The following SPECC1 variants were observed in gnomAD, a reference collection of about 807,000 sequenced individuals.
SPECC1 encodes sperm antigen with calponin homology and coiled-coil domains 1.
Under a neutral mutation model 104.1 loss-of-function variants are expected in SPECC1, and 62 were observed. The ratio of observed to expected loss-of-function variants is 0.60; its 90% CI spans 0.49 to 0.74. SPECC1 has a LOEUF of 0.74. Among genes scored for constraint, SPECC1 ranks in the 30% least tolerant of loss-of-function variants. The pLI is 0.00. For synonymous variants in SPECC1, 513 were observed against 501.6 expected, an observed-to-expected ratio of 1.02 and a Z score of -0.30; for missense variants, 1,306 against 1,310.5, an observed-to-expected ratio of 1.00 and a Z score of 0.05.
chr17:20,264,199 G>A lies in SPECC1; in HGVS notation c.2940+3905G>A, dbSNP rs113640970. On this transcript the variant is annotated intron_variant, in intron 12 of 14. Coordinates refer to ENST00000395527, the MANE Select transcript of SPECC1 (RefSeq NM_001243439.2). ...TCCTTTTATTTCATCAAAATACAGC[G>A]TGAAAGGTTATGTTACATCCCTCCA... Among the ~76,000 whole-genome samples, 63 of 152,150 alleles carry A rather than the reference G, an allele frequency of 4.1e-4. 2 individuals carry two copies. The highest frequency in any genetic ancestry group is 1.1e-3 in the African/African-American group (46 of 41,514).
At chr17:20,266,789 A>G (rs1371087356) in intron 12 of SPECC1, among the ~76,000 whole-genome samples, 1 of 152,208 alleles carries the variant, frequency 6.6e-6, no homozygotes, top group Non-Finnish European at 1.5e-5. Flanking sequence ...GGTGAATGGT[A>G]CAATTTATAC....
At position 20,245,948 on chromosome 17, in the gene SPECC1, T is replaced by G. The variant is rs184083104; in HGVS notation, c.2374T>G (p.Ser792Ala). Residue 792 changes from serine (S) to alanine (A), a missense_variant, in exon 8 of 15, where the codon TCC (serine) becomes GCC (alanine). Coordinates refer to ENST00000395527, the MANE Select transcript of SPECC1 (RefSeq NM_001243439.2). The part of the protein sequence containing the change: ...APPPVDEEPE[S>A]SEVDAAGRWP... ...CAGACCTGTGGATGAAGAGCCAGAG[T>G]CCTCTGAGGTCGATGCTGCTGGTCG... 2 of 1,614,148 alleles carry G rather than the reference T, an allele frequency of 1.2e-6. No homozygotes were observed. The highest frequency in any genetic ancestry group is 2.7e-5 in the African/African-American group (2 of 75,042).
intron 1 of SPECC1, among the ~76,000 whole-genome samples, chr17:20,019,531 A>T (rs2044288257): frequency 6.6e-6 from 1 of 152,106 alleles, no homozygotes; most frequent in Non-Finnish European, 1.5e-5. Flanking sequence ...CAGAGGGACT[A>T]CTCAACCATT....
chr17:20,163,496 T>C (rs2033354644), intron 3 of SPECC1, among the ~76,000 whole-genome samples: 1 of 152,150 alleles, frequency 6.6e-6, no homozygotes, highest in South Asian at 2.1e-4. Context: ...ATTTAATAAT[T>C]ATTCTAATAA....
intron 1 of SPECC1, among the ~76,000 whole-genome samples, chr17:20,068,881 T>C (rs545837253): frequency 6.6e-6 from 1 of 152,384 alleles, no homozygotes; most frequent in Admixed American, 6.5e-5. Context: ...CAGAGATCTT[T>C]ACACATTCTA....
rs1224615841 is a variant in SPECC1 at position 20,315,173 on chromosome 17, C to T, written c.*1108C>T. The T allele has an allele frequency of 4.3e-6, 1 of 232,976 alleles. No homozygotes were observed. The highest frequency in any genetic ancestry group is 8.5e-6 in the Non-Finnish European group (1 of 117,976). The allele number at this position is 232,976 out of a possible 1,614,324, so 14.4% of individuals were successfully genotyped here. A position where few individuals can be genotyped will look rare whatever the true frequency, so the allele number is the denominator to read the frequency against. The stretch of plus-strand genomic sequence containing the variant: ...TGTGCCTCTGGGGATGCTGGGCTGA[C>T]AGCAAATCCCAACAGTATTTCGGCT... On this transcript the variant is annotated 3_prime_UTR_variant, in exon 15 of 15. Transcript: ENST00000395527.
intron 2 of SPECC1, among the ~76,000 whole-genome samples, 192 bp from the exon 3 acceptor site, chr17:20,110,235 C>G (rs761813961): frequency 6.6e-6 from 1 of 152,182 alleles, no homozygotes; most frequent in African/African-American, 2.4e-5. Flanking sequence ...AGATCATACT[C>G]GGACCTGTTA....
intron 4 of SPECC1, among the ~76,000 whole-genome samples, chr17:20,211,320 G>A (rs2037132866): frequency 6.6e-6 from 1 of 152,234 alleles, no homozygotes; most frequent in Non-Finnish European, 1.5e-5. Context: ...TTCATGCTGG[G>A]AAGGAGGCCT....
intron 1 of SPECC1, among the ~76,000 whole-genome samples, chr17:20,059,574 C>CT (rs2046104670): frequency 6.6e-6 from 1 of 151,732 alleles, no homozygotes; most frequent in African/African-American, 2.4e-5. Flanking sequence ...TTCTTCTACT[C>CT]TATGTAGCAA....
At chr17:20,199,842 T>C (rs1036809056) in intron 3 of SPECC1, among the ~76,000 whole-genome samples, 1 of 152,218 alleles carries the variant, frequency 6.6e-6, no homozygotes, top group Admixed American at 6.5e-5. Context: ...CAGGCTGGCG[T>C]GCAGTGGCGT....
At chr17:20,277,812 C>T (rs938743719) in intron 12 of SPECC1, among the ~76,000 whole-genome samples, 2 of 152,186 alleles carry the variant, frequency 1.3e-5, no homozygotes, top group East Asian at 1.9e-4. Context: ...ACCTTGTAGA[C>T]GTGGACTTAC....
At chr17:20,287,748 CT>C (rs35144997) in intron 12 of SPECC1, among the ~76,000 whole-genome samples, 59 of 146,348 alleles carry the variant, frequency 4.0e-4, no homozygotes, top group Middle Eastern at 3.6e-3. Context: ...GTACACATAG[CT>C]TTTTTTTTTT....
intron 13 of SPECC1, among the ~76,000 whole-genome samples, chr17:20,299,856 C>G (rs2041509991): frequency 6.6e-6 from 1 of 152,058 alleles, no homozygotes; most frequent in Admixed American, 6.6e-5. Context: ...AAATCCGGAG[C>G]TGGATGGGAG....
chr17:20,317,262 T>A lies in SPECC1; in HGVS notation c.*3197T>A. ...AGACCTCTGACTCTATAAAAAAATTTTTTTTTTTTTTTTTTTTTGAGAGAG... is the reference window on the plus strand; with the variant it reads ...AGACCTCTGACTCTATAAAAAAATTATTTTTTTTTTTTTTTTTTGAGAGAG... On this transcript the variant is annotated 3_prime_UTR_variant, in exon 15 of 15. Transcript: ENST00000395527. 7.3e-6 allele frequency: 1 copy of A among 136,242 alleles called. No individual in the cohort carries two copies. Among genetic ancestry groups the A allele is most frequent in the Non-Finnish European group, 1.5e-5 (1 of 67,486 alleles). The allele number at this position is 136,242 out of a possible 1,614,324, so 8.4% of individuals were successfully genotyped here. A position where few individuals can be genotyped will look rare whatever the true frequency, so the allele number is the denominator to read the frequency against.
At chr17:20,170,933 C>T (rs779624984) in intron 3 of SPECC1, among the ~76,000 whole-genome samples, 8 of 152,124 alleles carry the variant, frequency 5.3e-5, no homozygotes, top group Non-Finnish European at 1.0e-4. Context: ...TCATCTCTTT[C>T]TCTAATTGGT....
At chr17:20,140,517 AT>A (rs1333310468) in intron 3 of SPECC1, among the ~76,000 whole-genome samples, 3 of 152,302 alleles carry the variant, frequency 2.0e-5, no homozygotes, top group African/African-American at 7.2e-5. Flanking sequence ...TTGTACTCAT[AT>A]TTCACTAGTT....
At chr17:20,275,151 T>A (rs1012180255) in intron 12 of SPECC1, among the ~76,000 whole-genome samples, 4 of 152,164 alleles carry the variant, frequency 2.6e-5, no homozygotes, top group African/African-American at 9.6e-5. Flanking sequence ...ATTAATAACA[T>A]AAATACATTT....
At position 20,314,796 on chromosome 17, in the gene SPECC1, C is replaced by A. The variant is rs552427899; in HGVS notation, c.*731C>A. 4.5e-6 allele frequency: 1 copy of A among 221,640 alleles called. No individual in the cohort carries two copies. Among genetic ancestry groups the A allele is most frequent in the African/African-American group, 2.3e-5 (1 of 44,054 alleles). The allele number at this position is 221,640 out of a possible 1,614,324, so 13.7% of individuals were successfully genotyped here. A position where few individuals can be genotyped will look rare whatever the true frequency, so the allele number is the denominator to read the frequency against. ...AGCCTTTTGGGGAAAAATGGGAGTT[C>A]TAGGTAACAATGTTAACACCTGGAA... On this transcript the variant is annotated 3_prime_UTR_variant, in exon 15 of 15. Transcript: ENST00000395527.
chr17:20,129,754 T>C (rs1245367419), intron 3 of SPECC1, among the ~76,000 whole-genome samples: 2 of 152,008 alleles, frequency 1.3e-5, no homozygotes, highest in African/African-American at 4.8e-5. Flanking sequence ...TTGTTTTGTT[T>C]GTTTGTTTGG....
Sources: allele counts gnomAD v4.1 joint callset (sites outside exome capture counted in the v4.1 genomes callset), GRCh38; gene constraint gnomAD v4.1.1; transcripts MANE v1.5; gene names NCBI Gene and HGNC (gene_info 2026-07-23, HGNC 2026-07-21).